The following UGT1A4 variants were observed in gnomAD, a reference collection of about 807,000 sequenced individuals.
UGT1A4 encodes the protein UDP-glucuronosyltransferase 1A4.
UGT1A4 carries 32 observed loss-of-function variants against 41.1 expected under a neutral mutation model. That is an observed-to-expected ratio of 0.78 (90% CI 0.59 to 1.05). The LOEUF (loss-of-function observed/expected upper bound fraction) is 1.05. Among genes scored for constraint, UGT1A4 ranks in the 50% least tolerant of loss-of-function variants. The pLI is 0.00. For synonymous variants in UGT1A4, 283 were observed against 265.1 expected (o/e 1.07, Z -0.66); for missense variants, 748 against 677.4 (o/e 1.10, Z -1.16).
chr2:233,772,766 C>A lies in UGT1A4; in HGVS notation c.*207C>A, dbSNP rs910513508. The A allele has an allele frequency of 8.7e-6, 12 of 1,374,468 alleles. No homozygotes were observed. Among genetic ancestry groups the A allele is most frequent in the East Asian group, 7.6e-5 (3 of 39,290 alleles). 85.1% of individuals were successfully genotyped at this position (1,374,468 alleles called of 1,614,324 possible). ...AGATATTTGAATATGTATCGTGCCC[C>A]CTCTGGTGTCTTTGATCAGGATGAC... On this transcript the variant is annotated 3_prime_UTR_variant, in exon 5 of 5. Transcript: ENST00000373409.
intron 1 of UGT1A4, among the ~76,000 whole-genome samples, chr2:233,721,033 A>G (rs1484813936): frequency 6.6e-6 from 1 of 152,106 alleles, no homozygotes; most frequent in Non-Finnish European, 1.5e-5. Flanking sequence ...TTCTTGTGAG[A>G]GAATTGAGCC....
chr2:233,724,319 G>A (rs1167591289), intron 1 of UGT1A4, among the ~76,000 whole-genome samples: 25 of 143,274 alleles, frequency 1.7e-4, no homozygotes, highest in African/African-American at 3.9e-4. Context: ...CGGACGGGGC[G>A]GCTGGCCAGG....
intron 3 of UGT1A4, 44 bp from the exon 4 acceptor site, chr2:233,768,176 C>A: frequency 6.2e-7 from 1 of 1,613,910 alleles, no homozygotes; most frequent in South Asian, 1.1e-5. Context: ...AGCTGTGAAA[C>A]TCAGAGATGT....
chr2:233,740,186 C>T (rs1343042773), intron 1 of UGT1A4, among the ~76,000 whole-genome samples: 1 of 151,760 alleles, frequency 6.6e-6, no homozygotes, highest in Non-Finnish European at 1.5e-5. Flanking sequence ...TCAATTAAAC[C>T]TCTTTCTTTT....
Position 233,719,288 on chromosome 2 carries a change from C to T in UGT1A4, c.468C>T (p.Leu156=), listed in dbSNP as rs1377929252. Residue 156 remains leucine (L), a synonymous_variant, in exon 1 of 5, where the codon CTC becomes CTT. Coordinates refer to ENST00000373409, the MANE Select transcript of UGT1A4 (RefSeq NM_007120.3). The part of the protein sequence containing the change: ...FDVVLTDPVN[L]CGAVLAKYLS... ...TGGTTTTAACAGACCCCGTTAACCTCTGTGGGGCGGTGCTGGCTAAGTACC... is the reference window on the plus strand; with the variant it reads ...TGGTTTTAACAGACCCCGTTAACCTTTGTGGGGCGGTGCTGGCTAAGTACC... 12 of 1,613,978 alleles carry T rather than the reference C, an allele frequency of 7.4e-6. No homozygotes were observed. The highest frequency in any genetic ancestry group is 1.0e-5 in the Non-Finnish European group (12 of 1,179,980).
chr2:233,720,045 G>A (rs577020263), intron 1 of UGT1A4, among the ~76,000 whole-genome samples: 1 of 152,284 alleles, frequency 6.6e-6, no homozygotes, highest in Admixed American at 6.5e-5. Context: ...ATTTTCAGCT[G>A]AACGGTGATG....
At chr2:233,724,057 G>C (rs1302014170) in intron 1 of UGT1A4, among the ~76,000 whole-genome samples, 9 of 86,764 alleles carry the variant, frequency 1.0e-4, no homozygotes, top group Non-Finnish European at 1.5e-4. Flanking sequence ...ACACCTCCCA[G>C]ACGGGGTGGT....
chr2:233,747,156 A>G, intron 1 of UGT1A4: 1 of 1,580,812 alleles, frequency 6.3e-7, no homozygotes, highest in South Asian at 1.1e-5. Flanking sequence ...GATGAAGAAA[A>G]CAAATGTAGG....
intron 1 of UGT1A4, chr2:233,747,418 T>A: frequency 6.2e-7 from 1 of 1,607,692 alleles, no homozygotes; most frequent in Non-Finnish European, 8.5e-7. Flanking sequence ...AATATGCACA[T>A]CAAACAAGAG....
In UGT1A4 at chr2:233,767,884, T is replaced by A. The variant is rs149750520; in HGVS notation, c.1035T>A (p.Asn345Lys). The A allele has an allele frequency of 1.2e-6, 2 of 1,614,080 alleles. No individual in the cohort carries two copies. Among genetic ancestry groups the A allele is most frequent in the African/African-American group, 2.7e-5 (2 of 74,910 alleles). The change falls in exon 3 of 5, where the codon AAT (asparagine) becomes AAA (lysine). Residue 345 changes from asparagine to lysine, a missense_variant. Transcript: ENST00000373409. ...LWRYTGTRPSNLANNTILVKW... is the reference protein window; with the variant it reads ...LWRYTGTRPSKLANNTILVKW... ...GGTACACTGGAACCCGACCATCGAATCTTGCGAACAACACGATACTTGTTA... is the reference window on the plus strand; with the variant it reads ...GGTACACTGGAACCCGACCATCGAAACTTGCGAACAACACGATACTTGTTA...
chr2:233,744,908 A>T (rs1314296999), intron 1 of UGT1A4, among the ~76,000 whole-genome samples: 1 of 151,834 alleles, frequency 6.6e-6, no homozygotes, highest in African/African-American at 2.4e-5. Flanking sequence ...CAAAATCTAG[A>T]TGCTCAAGCT....
intron 1 of UGT1A4, chr2:233,747,494 G>A (rs1693698047): frequency 1.2e-6 from 2 of 1,608,660 alleles, no homozygotes; most frequent in Non-Finnish European, 1.7e-6. Flanking sequence ...GCCTTGTGCT[G>A]GGCCACACTC....
chr2:233,765,069 C>A (rs1391556696), intron 1 of UGT1A4, among the ~76,000 whole-genome samples: 2 of 152,082 alleles, frequency 1.3e-5, no homozygotes, highest in Non-Finnish European at 2.9e-5. Context: ...CAGAGGTCTC[C>A]TGTGTCTCAC....
In UGT1A4 at chr2:233,742,646, C is replaced by T. The variant is rs1203522527; in HGVS notation, c.867+22959C>T. 5.3e-5 allele frequency: 8 copies of T among 152,164 alleles called. 1 individual carries two copies. The highest frequency in any genetic ancestry group is 1.2e-4 in the African/African-American group (5 of 41,160). The allele number at this position is 152,164 out of a possible 1,614,324, so 9.4% of individuals were successfully genotyped here. A position where few individuals can be genotyped will look rare whatever the true frequency, so the allele number is the denominator to read the frequency against. On this transcript the variant is annotated intron_variant, in intron 1 of 4. Transcript: ENST00000373409. Reference sequence around the variant, plus strand: ...GCTGAAGACAGTCCTAGTATACCACCGACCAACCATGTAACCCCAAGGTTT... The same window carrying T: ...GCTGAAGACAGTCCTAGTATACCACTGACCAACCATGTAACCCCAAGGTTT...
At chr2:233,747,534 A>G in intron 1 of UGT1A4, 1 of 1,605,506 alleles carries the variant, frequency 6.2e-7, no homozygotes. Context: ...ACATTTTCTG[A>G]AGACATTTTC....
At chr2:233,728,412 A>G (rs1046404926) in intron 1 of UGT1A4, among the ~76,000 whole-genome samples, 2 of 152,174 alleles carry the variant, frequency 1.3e-5, no homozygotes, top group Non-Finnish European at 2.9e-5. Flanking sequence ...TGCTTTAGAT[A>G]GCAGCACCTC....
chr2:233,762,317 G>A (rs1012731348), intron 1 of UGT1A4, among the ~76,000 whole-genome samples: 5 of 152,210 alleles, frequency 3.3e-5, no homozygotes, highest in African/African-American at 1.2e-4. Flanking sequence ...AATGGGTCGA[G>A]AGTAATCCAC....
At chr2:233,751,176 G>A (rs1694660149) in intron 1 of UGT1A4, among the ~76,000 whole-genome samples, 1 of 151,990 alleles carries the variant, frequency 6.6e-6, no homozygotes, top group Non-Finnish European at 1.5e-5. Flanking sequence ...CTAGATATGA[G>A]ACATGAAGTT....
At chr2:233,745,689 T>C (rs1218366980) in intron 1 of UGT1A4, among the ~76,000 whole-genome samples, 4 of 149,704 alleles carry the variant, frequency 2.7e-5, no homozygotes, top group African/African-American at 1.0e-4. Flanking sequence ...CAAAGCAAGT[T>C]TGGAGAACAA....
Sources: allele counts gnomAD v4.1 joint callset (sites outside exome capture counted in the v4.1 genomes callset), GRCh38; gene constraint gnomAD v4.1.1; transcripts MANE v1.5; gene names NCBI Gene and HGNC (gene_info 2026-07-23, HGNC 2026-07-21).